ZNF516: variants seen among roughly 807,000 people sequenced by gnomAD.
ZNF516 encodes zinc finger protein 516.
A neutral mutation model predicts 79.7 loss-of-function variants in ZNF516; 19 were observed. That is an observed-to-expected ratio of 0.24 (90% CI 0.17 to 0.35). The LOEUF (loss-of-function observed/expected upper bound fraction) is 0.35. ZNF516 is among the 10% of genes least tolerant of loss of function. ZNF516 has a pLI of 1.00. For synonymous variants in ZNF516, 877 were observed against 739.5 expected (o/e 1.19, Z -3.02); for missense variants, 1,678 against 1,679.5 (o/e 1.00, Z 0.02).
upstream of ZNF516, chr18:76,496,159 C>T (rs1599180850): frequency 2.8e-6 from 2 of 720,226 alleles, no homozygotes; most frequent in Non-Finnish European, 3.5e-6. Context: ...GGAGGGCGGG[C>T]GCGCGGGGGC....
intron 3 of ZNF516, among the ~76,000 whole-genome samples, chr18:76,427,792 G>T (rs757355659): frequency 6.6e-6 from 1 of 152,152 alleles, no homozygotes; most frequent in Non-Finnish European, 1.5e-5. Context: ...TTTTTTAAAT[G>T]TGCAAAGTTC....
At chr18:76,456,270 C>T (rs1008710055) in intron 2 of ZNF516, among the ~76,000 whole-genome samples, 1 of 152,214 alleles carries the variant, frequency 6.6e-6, no homozygotes, top group African/African-American at 2.4e-5. Flanking sequence ...AGCAGTAGTG[C>T]CTATTCAGGG....
At chr18:76,433,749 A>G (rs1385167107) in intron 3 of ZNF516, among the ~76,000 whole-genome samples, 3 of 152,246 alleles carry the variant, frequency 2.0e-5, no homozygotes, top group African/African-American at 7.2e-5. Context: ...CTAGTGAAGA[A>G]TCGAGAAAGG....
chr18:76,471,311 A>C (rs907428100), intron 1 of ZNF516, among the ~76,000 whole-genome samples: 1 of 151,908 alleles, frequency 6.6e-6, no homozygotes, highest in Non-Finnish European at 1.5e-5. Context: ...TTTCTTCCCG[A>C]AAAAGGTGAC....
chr18:76,410,808 A>C (rs1010461324), intron 3 of ZNF516, among the ~76,000 whole-genome samples: 3 of 152,190 alleles, frequency 2.0e-5, no homozygotes. Context: ...CGCAACACAC[A>C]TCCAATCAGC....
chr18:76,467,906 T>C lies in ZNF516; in HGVS notation c.-271-4765A>G, dbSNP rs61707936. 9.0e-3 allele frequency among the ~76,000 whole-genome samples: 1,365 copies of C among 152,290 alleles called. 16 individuals are homozygous for C. The highest frequency in any genetic ancestry group is 0.031 in the African/African-American group (1,295 of 41,558). On this transcript the variant is annotated intron_variant, in intron 1 of 6. Transcript: ENST00000443185. This position sits in a 1 kb window ranked among gnomAD's most constrained non-coding sequence, Gnocchi z 4.2. Reference sequence around the variant, plus strand: ...AGGACAGAAATGAGTGCTTCAACTATCTGCTGACTGCTAACTCCCACTGTC... The same window carrying C: ...AGGACAGAAATGAGTGCTTCAACTACCTGCTGACTGCTAACTCCCACTGTC...
At chr18:76,458,676 T>C (rs1381688306) in intron 2 of ZNF516, among the ~76,000 whole-genome samples, 4 of 146,718 alleles carry the variant, frequency 2.7e-5, no homozygotes, top group Non-Finnish European at 6.0e-5. Flanking sequence ...CACCGTCGTG[T>C]GTGCGTGCCT....
intron 3 of ZNF516, among the ~76,000 whole-genome samples, chr18:76,433,519 C>T (rs2075689852): frequency 6.6e-6 from 1 of 152,208 alleles, no homozygotes; most frequent in South Asian, 2.1e-4. Flanking sequence ...TTGCATTCCA[C>T]CCTGGGTGCC....
intron 3 of ZNF516, among the ~76,000 whole-genome samples, chr18:76,385,238 A>T (rs553010991): frequency 1.1e-4 from 16 of 152,232 alleles, no homozygotes; most frequent in Middle Eastern, 6.8e-3. Context: ...AAACACAAAC[A>T]TGGATTAGGT....
At chr18:76,368,676 CAAAG>C (rs2144917165) in intron 6 of ZNF516, among the ~76,000 whole-genome samples, 1 of 152,148 alleles carries the variant, frequency 6.6e-6, no homozygotes, top group South Asian at 2.1e-4. Context: ...TCTAGAGAGA[CAAAG>C]AGAACAATAT....
intron 1 of ZNF516, among the ~76,000 whole-genome samples, chr18:76,470,010 T>C (rs1241976631): frequency 1.3e-5 from 2 of 152,228 alleles, no homozygotes; most frequent in Non-Finnish European, 2.9e-5. Flanking sequence ...AATCTACTGT[T>C]AAAACTGCAT....
At chr18:76,371,715 G>T in intron 4 of ZNF516, 144 bp from the exon 5 acceptor site, 1 of 657,202 alleles carries the variant, frequency 1.5e-6, no homozygotes, top group South Asian at 1.8e-5. Flanking sequence ...TCAGGCCCTG[G>T]TGACAACTGT....
intron 6 of ZNF516, among the ~76,000 whole-genome samples, chr18:76,363,677 GTT>G (rs2074573398): frequency 6.6e-6 from 1 of 152,172 alleles, no homozygotes; most frequent in South Asian, 2.1e-4. Context: ...GACAAAGACT[GTT>G]TTACATTTTT....
rs181614474 is a variant in ZNF516, at chr18:76,375,979, G to A, written c.3259+2876C>T. 1.8e-3 allele frequency among the ~76,000 whole-genome samples: 277 copies of A among 151,124 alleles called. 1 individual carries two copies. The highest frequency in any genetic ancestry group is 4.7e-3 in the Admixed American group (72 of 15,232). ...CGAAGACCAGGTAGAAGATGGACAC[G>A]GAAGGTCCCGGAGACCAGGCAGAGG... On this transcript the variant is annotated intron_variant, in intron 4 of 6. Coordinates refer to ENST00000443185, the MANE Select transcript of ZNF516 (RefSeq NM_014643.4).
In ZNF516 at chr18:76,362,400, C is replaced by T. The variant is rs2074552399; in HGVS notation, c.*98G>A. On this transcript the variant is annotated 3_prime_UTR_variant, in exon 7 of 7. Transcript: ENST00000443185. ...CTCAGGAGTTCCCCGGCTGTTCTTC[C>T]ATGGAGCGGCCAGGTCACAGGTGGG... is the stretch of plus-strand genomic sequence containing the variant. 2.4e-6 allele frequency: 3 copies of T among 1,236,144 alleles called. No homozygotes were observed. Among genetic ancestry groups the T allele is most frequent in the Non-Finnish European group, 3.5e-6 (3 of 866,104 alleles). The allele number at this position is 1,236,144 out of a possible 1,614,324, so 76.6% of individuals were successfully genotyped here. A position where few individuals can be genotyped will look rare whatever the true frequency, so the allele number is the denominator to read the frequency against.
intron 3 of ZNF516, among the ~76,000 whole-genome samples, chr18:76,398,941 TAG>T (rs1271044229): frequency 6.6e-6 from 1 of 152,008 alleles, no homozygotes; most frequent in Non-Finnish European, 1.5e-5. Context: ...CACTTATTAG[TAG>T]AGTCTTCAGA....
chr18:76,477,049 G>A (rs1914214275), intron 1 of ZNF516, among the ~76,000 whole-genome samples: 1 of 152,160 alleles, frequency 6.6e-6, no homozygotes, highest in Non-Finnish European at 1.5e-5. Flanking sequence ...ATATTCGTTT[G>A]CCTACATTTC....
intron 2 of ZNF516, among the ~76,000 whole-genome samples, chr18:76,448,655 G>A (rs1912209470): frequency 1.3e-5 from 2 of 152,194 alleles, no homozygotes; most frequent in Non-Finnish European, 2.9e-5. Context: ...AACTTCAGGT[G>A]ACGGCAGGCT....
intron 2 of ZNF516, among the ~76,000 whole-genome samples, chr18:76,449,823 C>T (rs1912284136): frequency 1.3e-5 from 2 of 152,174 alleles, no homozygotes; most frequent in African/African-American, 2.4e-5. Flanking sequence ...AGCTAGAAAG[C>T]TGGATTCAAA....
Sources: gnomAD v4.1 joint callset for allele counts (sites outside exome capture counted in the v4.1 genomes callset) on GRCh38, gnomAD v4.1.1 for gene constraint, Gnocchi (gnomAD v3.1) non-coding constraint, MANE v1.5 for transcripts, NCBI Gene and HGNC (gene_info 2026-07-23, HGNC 2026-07-21) for gene names.